MAGI2: variants seen among roughly 807,000 people sequenced by gnomAD.
MAGI2 encodes the protein membrane-associated guanylate kinase, WW and PDZ domain-containing protein 2.
Under a neutral mutation model 133.3 loss-of-function variants are expected in MAGI2, and 35 were observed. The ratio of observed to expected loss-of-function variants is 0.26; its 90% CI spans 0.20 to 0.35. MAGI2 has a LOEUF of 0.35. Among genes scored for constraint, MAGI2 ranks in the 10% least tolerant of loss-of-function variants. MAGI2 has a pLI of 1.00. For synonymous variants in MAGI2, 729 were observed against 710.6 expected (o/e 1.03, Z -0.41); for missense variants, 1,636 against 1,863.4 (o/e 0.88, Z 2.25).
rs907995824 is a variant in MAGI2 at position 78,688,126 on chromosome 7, C to A, written c.419-60887G>T. ...TAAAGAGTATGTAGCTTTGAAAAAA[C>A]CCCATGTTCATTTAGCCTCTTGATT... is the stretch of plus-strand genomic sequence containing the variant. On this transcript the variant is annotated intron_variant, in intron 2 of 21. Transcript: ENST00000354212. 5.3e-5 allele frequency among the ~76,000 whole-genome samples: 8 copies of A among 151,558 alleles called. No individual in the cohort carries two copies. The South Asian group carries it at 6.3e-4, about 12-fold the overall frequency.
intron 10 of MAGI2, among the ~76,000 whole-genome samples, chr7:78,231,363 G>A (rs532339744): frequency 6.6e-6 from 1 of 152,326 alleles, no homozygotes; most frequent in Non-Finnish European, 1.5e-5. Flanking sequence ...TTGGGATTGC[G>A]TGCCTGTTCC....
At chr7:79,089,858 G>A (rs1816891924) in intron 1 of MAGI2, among the ~76,000 whole-genome samples, 1 of 152,086 alleles carries the variant, frequency 6.6e-6, no homozygotes, top group African/African-American at 2.4e-5. Flanking sequence ...TGAGGGGCTA[G>A]AGGAGGGACA....
At chr7:79,413,443 A>T (rs1170857604) in intron 1 of MAGI2, 1 of 152,148 alleles carries the variant, frequency 6.6e-6, no homozygotes, top group African/African-American at 2.4e-5. Context: ...GATTCATCTG[A>T]GCCCCTTTTC....
At chr7:78,142,057 A>C (rs1224687823) in intron 16 of MAGI2, among the ~76,000 whole-genome samples, 1 of 152,182 alleles carries the variant, frequency 6.6e-6, no homozygotes, top group Non-Finnish European at 1.5e-5. Flanking sequence ...ATCCTGGAAC[A>C]TGAGGCTGGG....
rs544655465 is a variant in MAGI2 at position 78,536,103 on chromosome 7, C to CTTTTTTTTTTT, written c.539-14469_539-14459dup. On this transcript the variant is annotated intron_variant, in intron 3 of 21. Transcript: ENST00000354212. ...TACAGCTGGCTCTGTATGAATTAAACTTTTTTTTTTTTTTTTTTTTTTTTT... is the reference window on the plus strand; with the variant it reads ...TACAGCTGGCTCTGTATGAATTAAACTTTTTTTTTTTTTTTTTTTTTTTTTTTTTTTTTTTT... Among the ~76,000 whole-genome samples, 67 of 59,938 alleles carry CTTTTTTTTTTT rather than the reference C, an allele frequency of 1.1e-3. 6 individuals are homozygous for CTTTTTTTTTTT. The highest frequency in any genetic ancestry group is 1.5e-3 in the Admixed American group (6 of 3,968). 39.3% of individuals were successfully genotyped at this position (59,938 alleles called of 152,430 possible).
intron 3 of MAGI2, among the ~76,000 whole-genome samples, chr7:78,551,083 C>T (rs1799296690): frequency 6.6e-6 from 1 of 152,138 alleles, no homozygotes; most frequent in Non-Finnish European, 1.5e-5. Context: ...ATGGGATGCT[C>T]ACCTATCTTA....
At chr7:79,364,988 G>T (rs1466332688) in intron 1 of MAGI2, among the ~76,000 whole-genome samples, 1 of 151,286 alleles carries the variant, frequency 6.6e-6, no homozygotes, top group Non-Finnish European at 1.5e-5. Flanking sequence ...GAAAATATTT[G>T]CAAACCACAT....
At chr7:79,360,294 T>C (rs1585700818) in intron 1 of MAGI2, among the ~76,000 whole-genome samples, 1 of 152,282 alleles carries the variant, frequency 6.6e-6, no homozygotes, top group Admixed American at 6.5e-5. Flanking sequence ...ATGGCAAGGT[T>C]ATCTTGGGGT....
At chr7:79,077,690 T>C (rs1815656921) in intron 1 of MAGI2, among the ~76,000 whole-genome samples, 1 of 151,018 alleles carries the variant, frequency 6.6e-6, no homozygotes. Flanking sequence ...AATTAGATAA[T>C]GGAAGTATCC....
At chr7:78,411,722 G>A (rs1022560362) in intron 6 of MAGI2, among the ~76,000 whole-genome samples, 2 of 152,010 alleles carry the variant, frequency 1.3e-5, no homozygotes, top group African/African-American at 4.8e-5. Flanking sequence ...ACATGGATAA[G>A]TTTAAGTATC....
At chr7:79,298,170 T>TA (rs1396269312) in intron 1 of MAGI2, among the ~76,000 whole-genome samples, 3 of 152,242 alleles carry the variant, frequency 2.0e-5, no homozygotes, top group African/African-American at 7.2e-5. Context: ...TTGCCGTATA[T>TA]AATTACCTGT....
At chr7:79,424,980 A>G (rs904993590) in intron 1 of MAGI2, among the ~76,000 whole-genome samples, 15 of 152,158 alleles carry the variant, frequency 9.9e-5, no homozygotes, top group African/African-American at 3.6e-4. Context: ...GTTCTGGTCA[A>G]TAGGATGTAA....
chr7:79,351,890 A>T (rs1841718104), intron 1 of MAGI2: 1 of 152,210 alleles, frequency 6.6e-6, no homozygotes, highest in Non-Finnish European at 1.5e-5. Flanking sequence ...TGCTCCAGTG[A>T]TTCAAACTTG....
In MAGI2 at chr7:78,995,026, A is replaced by C. The variant is rs150384491; in HGVS notation, c.418+12064T>G. Among the ~76,000 whole-genome samples, 257 of 152,252 alleles carry C rather than the reference A, an allele frequency of 1.7e-3. 1 individual carries two copies. Among genetic ancestry groups the C allele is most frequent in the Middle Eastern group, 6.8e-3 (2 of 294 alleles). On this transcript the variant is annotated intron_variant, in intron 2 of 21. Coordinates refer to ENST00000354212, the MANE Select transcript of MAGI2 (RefSeq NM_012301.4). Reference sequence around the variant, plus strand: ...AAAGTCTAGTAGAGCTGACATCAAAATGTTTGTGCAAGAAGAATTCAGAAA... The same window carrying C: ...AAAGTCTAGTAGAGCTGACATCAAACTGTTTGTGCAAGAAGAATTCAGAAA...
chr7:78,118,558 C>T (rs1221077970), intron 20 of MAGI2, among the ~76,000 whole-genome samples: 2 of 152,144 alleles, frequency 1.3e-5, no homozygotes, highest in Non-Finnish European at 2.9e-5. Flanking sequence ...ACAGATACCT[C>T]ACCAAAGAAG....
chr7:78,795,697 A>C (rs1260313104), intron 2 of MAGI2, among the ~76,000 whole-genome samples: 2 of 152,162 alleles, frequency 1.3e-5, no homozygotes, highest in African/African-American at 2.4e-5. Flanking sequence ...TAGGCAAAGG[A>C]ATTCTGAGCA....
At chr7:79,410,239 C>A (rs1004139993) in intron 1 of MAGI2, 2 of 151,992 alleles carry the variant, frequency 1.3e-5, no homozygotes, top group East Asian at 3.9e-4. Flanking sequence ...TTAGTGAAAG[C>A]TGAAAATCTG....
chr7:78,297,891 C>T (rs1441028052), intron 9 of MAGI2, among the ~76,000 whole-genome samples: 3 of 145,372 alleles, frequency 2.1e-5, no homozygotes, highest in African/African-American at 5.2e-5. Context: ...TGCTAGGTGA[C>T]GAGTTAGTGG....
rs1333687856 is a variant in MAGI2, at chr7:78,372,788, G to T, written c.1046-3575C>A. On this transcript the variant is annotated intron_variant, in intron 6 of 21. Transcript: ENST00000354212. ...GCCTGGATTCTGGCATAGTCAGCAT[G>T]CTATATTTTTTAAATTTAATTGTGC... 2.0e-5 allele frequency among the ~76,000 whole-genome samples: 3 copies of T among 152,192 alleles called. No individual in the cohort carries two copies. In the East Asian group the frequency reaches 5.8e-4, roughly 29 times the overall value.
Sources: gnomAD v4.1 joint callset for allele counts (sites outside exome capture counted in the v4.1 genomes callset) on GRCh38, gnomAD v4.1.1 for gene constraint, MANE v1.5 for transcripts, NCBI Gene and HGNC (gene_info 2026-07-23, HGNC 2026-07-21) for gene names.